TSC22D1: variants seen among roughly 807,000 people sequenced by gnomAD.
TSC22D1 encodes the protein TSC22 domain family protein 1.
In TSC22D1, 9 loss-of-function variants were observed where a neutral mutation model predicts 74.2. The ratio of observed to expected loss-of-function variants is 0.12; its 90% CI spans 0.07 to 0.21. TSC22D1 has a LOEUF of 0.21. Ranked by LOEUF, TSC22D1 falls within the 10% of genes least tolerant of loss-of-function variation. The probability of loss-of-function intolerance (pLI) is 1.00; values close to 1 mark genes in which losing one functional copy is unlikely to be tolerated. For synonymous variants in TSC22D1, 586 were observed against 492.5 expected, an observed-to-expected ratio of 1.19 and a Z score of -2.51; for missense variants, 1,427 against 1,304.7, an observed-to-expected ratio of 1.09 and a Z score of -1.44.
intron 1 of TSC22D1, among the ~76,000 whole-genome samples, chr13:44,558,399 T>C (rs1459384979): frequency 1.3e-5 from 2 of 152,206 alleles, no homozygotes; most frequent in Non-Finnish European, 2.9e-5. Context: ...ATCAATCTTA[T>C]ACAAGCTTAC....
intron 1 of TSC22D1, among the ~76,000 whole-genome samples, chr13:44,568,770 G>A (rs762426529): frequency 6.6e-6 from 1 of 152,182 alleles, no homozygotes; most frequent in Non-Finnish European, 1.5e-5. Flanking sequence ...AATGGGAAGA[G>A]GGTGGGGAAA....
At chr13:44,555,286 TAAGCAAACAACA>T (rs925081271) in intron 1 of TSC22D1, among the ~76,000 whole-genome samples, 1 of 151,946 alleles carries the variant, frequency 6.6e-6, no homozygotes, top group African/African-American at 2.4e-5. Flanking sequence ...CCAGAAAACG[TAAGCAAACAACA>T]ACAACAAAAG....
At chr13:44,454,145 G>C (rs765804902) in intron 1 of TSC22D1, among the ~76,000 whole-genome samples, 1 of 152,064 alleles carries the variant, frequency 6.6e-6, no homozygotes, top group East Asian at 1.9e-4. Flanking sequence ...AATACATATT[G>C]CTAGTAAAAA....
intron 1 of TSC22D1, among the ~76,000 whole-genome samples, chr13:44,570,286 G>A (rs1883670144): frequency 1.3e-5 from 2 of 151,560 alleles, no homozygotes; most frequent in South Asian, 4.2e-4. Context: ...GACCTCCAGG[G>A]CTCAGGGGAT....
intron 1 of TSC22D1, among the ~76,000 whole-genome samples, chr13:44,562,100 C>T (rs745903654): frequency 5.3e-5 from 8 of 152,238 alleles, no homozygotes; most frequent in African/African-American, 1.4e-4. Context: ...AGTGCAGTGG[C>T]GCCATCTCAC....
At chr13:44,511,649 C>CA (rs1241455467) in intron 1 of TSC22D1, among the ~76,000 whole-genome samples, 49 of 151,858 alleles carry the variant, frequency 3.2e-4, no homozygotes, top group African/African-American at 1.2e-3. Context: ...CACACACACA[C>CA]ACTTTTTTGT....
rs773719160 is a variant in TSC22D1 at position 44,573,140 on chromosome 13, C to T, written c.2912+23G>A. Reference sequence around the variant, plus strand: ...TTAACTTCAAATCTGTTGAATGTCTCCAGAAATATGACATGATCTTACCTC... The same window carrying T: ...TTAACTTCAAATCTGTTGAATGTCTTCAGAAATATGACATGATCTTACCTC... On this transcript the variant is annotated intron_variant, in intron 1 of 2. Coordinates refer to ENST00000458659, the MANE Select transcript of TSC22D1 (RefSeq NM_183422.4). 3.7e-6 allele frequency: 6 copies of T among 1,605,988 alleles called. No individual in the cohort carries two copies. The African/African-American group carries it at 4.0e-5, about 11-fold the overall frequency.
chr13:44,435,643 C>A (rs1282428115), intron 2 of TSC22D1: 1 of 259,436 alleles, frequency 3.9e-6, no homozygotes, highest in East Asian at 1.3e-4. Context: ...TATCCAGGAT[C>A]CCGACTTCTG....
chr13:44,548,534 A>G (rs774100666), intron 1 of TSC22D1, among the ~76,000 whole-genome samples: 14 of 152,248 alleles, frequency 9.2e-5, no homozygotes, highest in Non-Finnish European at 1.8e-4. Context: ...GCTAAGCTTA[A>G]GCAAGTTAAC....
intron 1 of TSC22D1, among the ~76,000 whole-genome samples, chr13:44,506,113 C>T (rs565402723): frequency 6.0e-4 from 91 of 152,236 alleles, no homozygotes; most frequent in African/African-American, 2.0e-3. Flanking sequence ...CTCTCAAGCA[C>T]TGATGAAGGT....
chr13:44,498,693 T>C (rs1359657119), intron 1 of TSC22D1, among the ~76,000 whole-genome samples: 3 of 152,178 alleles, frequency 2.0e-5, no homozygotes, highest in Non-Finnish European at 4.4e-5. Flanking sequence ...AATTCAGGGA[T>C]CCACTCATCC....
intron 1 of TSC22D1, among the ~76,000 whole-genome samples, chr13:44,466,696 G>A: frequency 6.6e-6 from 1 of 152,026 alleles, no homozygotes; most frequent in Non-Finnish European, 1.5e-5. Flanking sequence ...CCTGAGCCCA[G>A]GACGTCAAGG....
At chr13:44,539,297 T>C (rs1021922922) in intron 1 of TSC22D1, 8 of 985,252 alleles carry the variant, frequency 8.1e-6, no homozygotes, top group Non-Finnish European at 9.6e-6. Flanking sequence ...AGATCTAATA[T>C]GAAGTCCTAA....
At chr13:44,442,375 A>G (rs1055505401) in intron 1 of TSC22D1, among the ~76,000 whole-genome samples, 1 of 152,246 alleles carries the variant, frequency 6.6e-6, no homozygotes, top group African/African-American at 2.4e-5. Flanking sequence ...TATAGACAGG[A>G]ACATTAAAAA....
At chr13:44,456,917 C>T in intron 1 of TSC22D1, among the ~76,000 whole-genome samples, 1 of 152,174 alleles carries the variant, frequency 6.6e-6, no homozygotes, top group African/African-American at 2.4e-5. Context: ...AAAGAAGTTT[C>T]AGAAATGTGC....
chr13:44,480,955 T>C (rs17065868), intron 1 of TSC22D1, among the ~76,000 whole-genome samples: 17,516 of 152,118 alleles, frequency 0.12, 1,047 homozygotes, highest in Non-Finnish European at 0.13. Context: ...ACAGATAAAT[T>C]GGGTCGCTGG....
At chr13:44,562,411 G>A (rs933634837) in intron 1 of TSC22D1, among the ~76,000 whole-genome samples, 9 of 152,118 alleles carry the variant, frequency 5.9e-5, no homozygotes, top group Admixed American at 3.3e-4. Flanking sequence ...AAATGACAAC[G>A]TGCAAAAGGG....
chr13:44,457,647 A>T (rs995308044), intron 1 of TSC22D1, among the ~76,000 whole-genome samples: 17 of 151,558 alleles, frequency 1.1e-4, no homozygotes, highest in African/African-American at 3.6e-4. Context: ...CAAAAAAAAA[A>T]AAAAAAAAAA....
Position 44,574,457 on chromosome 13 carries a change from AAATACTCTGTGGTATACTAACTGCTGG to A in TSC22D1, c.1591_1617del (p.Pro531_Ile539del), listed in dbSNP as rs757844101. On this transcript the variant is annotated inframe_deletion, in exon 1 of 3. Coordinates refer to ENST00000458659, the MANE Select transcript of TSC22D1 (RefSeq NM_183422.4). ...TGTACTTGTGAGATCTGTGACTGAGAAATACTCTGTGGTATACTAACTGCTGGAATACTCTGTGGACCAGTGCTACCA... is the reference window on the plus strand; with the variant it reads ...TGTACTTGTGAGATCTGTGACTGAGAAATACTCTGTGGACCAGTGCTACCA... 98 of 1,614,218 alleles carry A rather than the reference AAATACTCTGTGGTATACTAACTGCTGG, an allele frequency of 6.1e-5. No homozygotes were observed. The highest frequency in any genetic ancestry group is 3.9e-4 in the African/African-American group (29 of 75,038).
Sources: allele counts gnomAD v4.1 joint callset (sites outside exome capture counted in the v4.1 genomes callset), GRCh38; gene constraint gnomAD v4.1.1; transcripts MANE v1.5; gene names NCBI Gene and HGNC (gene_info 2026-07-23, HGNC 2026-07-21).